Variants in ABHD13 observed in about 807,000 individuals in gnomAD.
The protein encoded by ABHD13 is protein ABHD13.
In ABHD13, 7 loss-of-function variants were observed where a neutral mutation model predicts 25.2. That is an observed-to-expected ratio of 0.28 (90% CI 0.16 to 0.52). The LOEUF (loss-of-function observed/expected upper bound fraction) is 0.52, where lower values mean the gene tolerates loss of function less well. ABHD13 is among the 20% of genes least tolerant of loss of function. ABHD13 has a pLI of 0.96. For synonymous variants in ABHD13, 133 were observed against 136.1 expected (o/e 0.98, Z 0.16); for missense variants, 302 against 402.7 (o/e 0.75, Z 2.14).
intron 1 of ABHD13, among the ~76,000 whole-genome samples, chr13:108,221,901 C>T (rs1219674142): frequency 2.6e-5 from 4 of 151,652 alleles, no homozygotes; most frequent in Non-Finnish European, 5.9e-5. Flanking sequence ...TGCAGTGGCA[C>T]GATCTCAGCT....
chr13:108,225,123 TC>T (rs1368990728), intron 1 of ABHD13, among the ~76,000 whole-genome samples: 3 of 152,122 alleles, frequency 2.0e-5, no homozygotes, highest in African/African-American at 7.2e-5. Context: ...TAGCTACATA[TC>T]CTGGGTTTTT....
Position 108,233,543 on chromosome 13 carries a change from C to G in ABHD13, c.*3311C>G, listed in dbSNP as rs1369847896. The G allele has an allele frequency of 1.8e-5, 3 of 166,616 alleles. No individual in the cohort carries two copies. The highest frequency in any genetic ancestry group is 4.4e-5 in the Non-Finnish European group (3 of 67,916). The allele number at this position is 166,616 out of a possible 1,614,324, so 10.3% of individuals were successfully genotyped here. A position where few individuals can be genotyped will look rare whatever the true frequency, so the allele number is the denominator to read the frequency against. ...TGATAATTATATGTATTTTTAAAAA[C>G]TGTGAGAGGAAAAATTAGTCATAAC... On this transcript the variant is annotated 3_prime_UTR_variant, in exon 2 of 2. Transcript: ENST00000375898.
In ABHD13 at chr13:108,231,790, T is replaced by G. The variant is rs908681851; in HGVS notation, c.*1558T>G. 2 of 166,838 alleles carry G rather than the reference T, an allele frequency of 1.2e-5. No individual in the cohort carries two copies. The highest frequency in any genetic ancestry group is 2.9e-5 in the Non-Finnish European group (2 of 67,954). The allele number at this position is 166,838 out of a possible 1,614,324, so 10.3% of individuals were successfully genotyped here. On this transcript the variant is annotated 3_prime_UTR_variant, in exon 2 of 2. Coordinates refer to ENST00000375898, the MANE Select transcript of ABHD13 (RefSeq NM_032859.3). ...ATGGAGATAGGGCTAGAAATACTTT[T>G]GCCAAATAGCATTCTTATTCACTTT...
Position 108,223,207 on chromosome 13 carries a change from A to G in ABHD13, c.-21+4548A>G, listed in dbSNP as rs1201554722. On this transcript the variant is annotated intron_variant, in intron 1 of 1. Transcript: ENST00000375898. ...CCAAATGGTGACATGTTTAATATTA[A>G]TAGATTACCACAGTGCCATCAAAAA... 4.6e-5 allele frequency among the ~76,000 whole-genome samples: 7 copies of G among 152,216 alleles called. No homozygotes were observed. The East Asian group carries it at 9.6e-4, about 21-fold the overall frequency.
At position 108,233,264 on chromosome 13, in the gene ABHD13, T is replaced by C. The variant is rs1052108433; in HGVS notation, c.*3032T>C. 7 of 166,946 alleles carry C rather than the reference T, an allele frequency of 4.2e-5. No homozygotes were observed. The South Asian group carries it at 1.2e-3, about 30-fold the overall frequency. 10.3% of individuals were successfully genotyped at this position (166,946 alleles called of 1,614,324 possible). A position where few individuals can be genotyped will look rare whatever the true frequency, so the allele number is the denominator to read the frequency against. Reference sequence around the variant, plus strand: ...TGCTTATATATTAATTTCTTATGTTTGTAAGTTTGGCTTTGTGGGAATAGG... The same window carrying C: ...TGCTTATATATTAATTTCTTATGTTCGTAAGTTTGGCTTTGTGGGAATAGG... On this transcript the variant is annotated 3_prime_UTR_variant, in exon 2 of 2. Coordinates refer to ENST00000375898, the MANE Select transcript of ABHD13 (RefSeq NM_032859.3).
At chr13:108,222,451 ATCTT>A (rs1879589345) in intron 1 of ABHD13, among the ~76,000 whole-genome samples, 1 of 152,096 alleles carries the variant, frequency 6.6e-6, no homozygotes, top group Admixed American at 6.5e-5. Context: ...AATGTAATAT[ATCTT>A]TCTTAATTTG....
At position 108,231,170 on chromosome 13, in the gene ABHD13, A is replaced by T. The variant is rs1879796038; in HGVS notation, c.*938A>T. The T allele has an allele frequency of 6.0e-6, 1 of 166,780 alleles. No individual in the cohort carries two copies. Among genetic ancestry groups the T allele is most frequent in the Non-Finnish European group, 1.5e-5 (1 of 67,972 alleles). The allele number at this position is 166,780 out of a possible 1,614,324, so 10.3% of individuals were successfully genotyped here. A position where few individuals can be genotyped will look rare whatever the true frequency, so the allele number is the denominator to read the frequency against. On this transcript the variant is annotated 3_prime_UTR_variant, in exon 2 of 2. Coordinates refer to ENST00000375898, the MANE Select transcript of ABHD13 (RefSeq NM_032859.3). ...TGCAGGATTGTACATACTACTTTAT[A>T]AAAATTCTCACCTTTGATTTTAAAT... is the stretch of plus-strand genomic sequence containing the variant.
rs748544264 is a variant in ABHD13 at position 108,229,889 on chromosome 13, A to G, written c.671A>G (p.His224Arg). 4.3e-6 allele frequency: 7 copies of G among 1,613,430 alleles called. No individual in the cohort carries two copies. Among genetic ancestry groups the G allele is most frequent in the East Asian group, 2.2e-5 (1 of 44,872 alleles). ...GAGAACACATTTTTAAGCATACCAC[A>G]TATGGCCAGCACTTTATTTTCATTC... ...MVENTFLSIP[H>R]MASTLFSFFP... The change falls in exon 2 of 2, where the codon CAT becomes CGT. Residue 224 changes from histidine to arginine, a missense_variant. Transcript: ENST00000375898. This position sits in a 1 kb window ranked among gnomAD's most constrained non-coding sequence, Gnocchi z 4.7.
At chr13:108,219,431 T>C (rs1013356927) in intron 1 of ABHD13, among the ~76,000 whole-genome samples, 16 of 152,234 alleles carry the variant, frequency 1.1e-4, no homozygotes, top group Non-Finnish European at 1.9e-4. Flanking sequence ...TGTGTTGATA[T>C]TGGATTTTTC....
rs1879740767 is a variant in ABHD13 at position 108,229,311 on chromosome 13, A to G, written c.93A>G (p.Leu31=). 1.2e-6 allele frequency: 2 copies of G among 1,611,386 alleles called. No homozygotes were observed. Among genetic ancestry groups the G allele is most frequent in the African/African-American group, 1.3e-5 (1 of 74,816 alleles). Reference sequence around the variant, plus strand: ...GGGCTCTCTGCCGTATTTCTCTTTTACCTTTAATAGTGACTTTTCATCTGT... The same window carrying G: ...GGGCTCTCTGCCGTATTTCTCTTTTGCCTTTAATAGTGACTTTTCATCTGT... ...WSWALCRISL[L]PLIVTFHLYG... is the part of the protein sequence containing the mutation. The change falls in exon 2 of 2, where the codon TTA becomes TTG. Residue 31 remains leucine (L), a synonymous_variant. Coordinates refer to ENST00000375898, the MANE Select transcript of ABHD13 (RefSeq NM_032859.3). This position sits in a 1 kb window ranked among gnomAD's most constrained non-coding sequence, Gnocchi z 4.7.
chr13:108,230,002 T>C lies in ABHD13; in HGVS notation c.784T>C (p.Phe262Leu). The change falls in exon 2 of 2, where the codon TTC becomes CTC. Residue 262 changes from phenylalanine to leucine, a missense_variant. Phe to Leu is a conservative substitution (Grantham distance 22). Coordinates refer to ENST00000375898, the MANE Select transcript of ABHD13 (RefSeq NM_032859.3). ...KISQCRMPSL[F>L]ISGLSDQLIP... Reference sequence around the variant, plus strand: ...CTCTCAGTGTAGAATGCCTTCACTTTTCATCTCTGGACTCTCAGATCAATT... The same window carrying C: ...CTCTCAGTGTAGAATGCCTTCACTTCTCATCTCTGGACTCTCAGATCAATT... 6.2e-7 allele frequency: 1 copy of C among 1,613,258 alleles called. No individual in the cohort carries two copies. Among genetic ancestry groups the C allele is most frequent in the Non-Finnish European group, 8.5e-7 (1 of 1,179,410 alleles).
In ABHD13 at chr13:108,234,123, TTGTG is replaced by T. The variant is rs1421414896; in HGVS notation, c.*3894_*3897del. ...ACTCAAATTTGAATGTCATAGTACATTGTGTGCTAACCATGGCAAGCAAACATTT... is the reference window on the plus strand; with the variant it reads ...ACTCAAATTTGAATGTCATAGTACATTGCTAACCATGGCAAGCAAACATTT... On this transcript the variant is annotated 3_prime_UTR_variant, in exon 2 of 2. Coordinates refer to ENST00000375898, the MANE Select transcript of ABHD13 (RefSeq NM_032859.3). 1 of 167,100 alleles carries T rather than the reference TTGTG, an allele frequency of 6.0e-6. No individual in the cohort carries two copies. The highest frequency in any genetic ancestry group is 2.4e-5 in the African/African-American group (1 of 41,584). 10.4% of individuals were successfully genotyped at this position (167,100 alleles called of 1,614,324 possible).
chr13:108,230,228 T>G lies in ABHD13; in HGVS notation c.1010T>G (p.Ile337Arg). The G allele has an allele frequency of 6.3e-7, 1 of 1,578,992 alleles. No homozygotes were observed. Among genetic ancestry groups the G allele is most frequent in the Non-Finnish European group, 8.6e-7 (1 of 1,163,814 alleles). The stretch of plus-strand genomic sequence containing the variant: ...AAAACTTCATCTAATGTAACAATTA[T>G]ATAATGTTTCCCTTTTTGATTATTG... ...MAKTSSNVTII is the reference protein window; with the variant it reads ...MAKTSSNVTIR Residue 337 changes from isoleucine (I) to arginine (R), a missense_variant, in exon 2 of 2, where the codon ATA (isoleucine) becomes AGA (arginine). Ile to Arg is a moderately conservative substitution (Grantham distance 97, BLOSUM62 -3). Transcript: ENST00000375898.
At position 108,230,275 on chromosome 13, in the gene ABHD13, G is replaced by T; in HGVS notation, c.*43G>T. The T allele has an allele frequency of 1.4e-6, 2 of 1,427,032 alleles. No individual in the cohort carries two copies. The highest frequency in any genetic ancestry group is 1.9e-6 in the Non-Finnish European group (2 of 1,064,676). The allele number at this position is 1,427,032 out of a possible 1,614,324, so 88.4% of individuals were successfully genotyped here. On this transcript the variant is annotated 3_prime_UTR_variant, in exon 2 of 2. Coordinates refer to ENST00000375898, the MANE Select transcript of ABHD13 (RefSeq NM_032859.3). ...ATTGCATTGTATTTTAATTTGTGCA[G>T]AATGATAAAGAATGTTCCTTTTAGA...
At position 108,229,503 on chromosome 13, in the gene ABHD13, T is replaced by C. The variant is rs200921324; in HGVS notation, c.285T>C (p.Asp95=). ...PHENIFIRTK[D]GIRLNLILIR... is the part of the protein sequence containing the mutation. ...AAAACATTTTCATCAGAACCAAAGA[T>C]GGAATACGTCTGAATCTTATTTTGA... is the stretch of plus-strand genomic sequence containing the variant. Residue 95 remains aspartate, a synonymous_variant, in exon 2 of 2, where the codon GAT becomes GAC. Coordinates refer to ENST00000375898, the MANE Select transcript of ABHD13 (RefSeq NM_032859.3). This position sits in a 1 kb window ranked among gnomAD's most constrained non-coding sequence, Gnocchi z 4.7. 1.2e-6 allele frequency: 2 copies of C among 1,613,600 alleles called. No individual in the cohort carries two copies. Among genetic ancestry groups the C allele is most frequent in the Non-Finnish European group, 1.7e-6 (2 of 1,179,636 alleles).
At chr13:108,228,694 CTTGCTATGTTGGAAT>C (rs1879723741) in intron 1 of ABHD13, among the ~76,000 whole-genome samples, 1 of 151,074 alleles carries the variant, frequency 6.6e-6, no homozygotes, top group Admixed American at 6.6e-5. Flanking sequence ...TTAGATTGGT[CTTGCTATGTTGGAAT>C]TTCTGAACTG....
chr13:108,228,011 A>G (rs1057452968), intron 1 of ABHD13, among the ~76,000 whole-genome samples: 13 of 152,078 alleles, frequency 8.5e-5, no homozygotes, highest in African/African-American at 2.2e-4. Flanking sequence ...TGTATAATCA[A>G]TCTATAACCT....
In ABHD13 at chr13:108,218,565, T is replaced by C. The variant is rs1232734478; in HGVS notation, c.-115T>C. 2.0e-5 allele frequency: 3 copies of C among 151,542 alleles called. No homozygotes were observed. The highest frequency in any genetic ancestry group is 4.4e-5 in the Non-Finnish European group (3 of 67,890). 9.4% of individuals were successfully genotyped at this position (151,542 alleles called of 1,614,324 possible). On this transcript the variant is annotated 5_prime_UTR_variant, in exon 1 of 2. The change abolishes an upstream ATG in the 5' untranslated region. Transcript: ENST00000375898. ...CAGCGGCCCCTGGGCTGGAGGAGGA[T>C]GATGAGGAGCGACGGAAGCGACGCG...
chr13:108,230,411 G>T lies in ABHD13; in HGVS notation c.*179G>T. 10 of 548,728 alleles carry T rather than the reference G, an allele frequency of 1.8e-5. No homozygotes were observed. The highest frequency in any genetic ancestry group is 1.2e-4 in the South Asian group (4 of 34,484). 34.0% of individuals were successfully genotyped at this position (548,728 alleles called of 1,614,324 possible). On this transcript the variant is annotated 3_prime_UTR_variant, in exon 2 of 2. Transcript: ENST00000375898. The stretch of plus-strand genomic sequence containing the variant: ...TTTACATTGGAAAAACTAATTCTTG[G>T]GATTCTTTCATACATTTTCATCAAA...
Sources: allele counts gnomAD v4.1 joint callset (sites outside exome capture counted in the v4.1 genomes callset), GRCh38; gene constraint gnomAD v4.1.1; non-coding constraint Gnocchi (gnomAD v3.1); transcripts MANE v1.5; gene names NCBI Gene and HGNC (gene_info 2026-07-23, HGNC 2026-07-21).